CRISP1: variants seen among roughly 807,000 people sequenced by gnomAD.
CRISP1 encodes the protein cysteine-rich secretory protein 1.
Under a neutral mutation model 33.1 loss-of-function variants are expected in CRISP1, and 44 were observed. The observed-to-expected ratio is 1.33, with a 90% CI of 1.05 to 1.71. CRISP1 has a LOEUF of 1.71. Among genes scored for constraint, CRISP1 ranks in the 40% most tolerant of loss-of-function variants. CRISP1 has a pLI of 0.00. For synonymous variants in CRISP1, 103 were observed against 98.7 expected (o/e 1.04, Z -0.26); for missense variants, 390 against 301.2 (o/e 1.29, Z -2.18).
chr6:49,847,279 T>C (rs1361301220), intron 4 of CRISP1, among the ~76,000 whole-genome samples: 1 of 152,104 alleles, frequency 6.6e-6, no homozygotes, highest in Admixed American at 6.6e-5. Context: ...TGAGTGAAGG[T>C]GATATAGTTT....
chr6:49,866,367 G>C (rs1771798314), intron 1 of CRISP1, 62 bp downstream of exon 1: 1 of 151,932 alleles, frequency 6.6e-6, no homozygotes, highest in African/African-American at 2.4e-5. Flanking sequence ...AATGCTTTTG[G>C]GTAGTCACTT....
At chr6:49,851,286 T>A (rs897434104) in intron 3 of CRISP1, among the ~76,000 whole-genome samples, 12 of 152,090 alleles carry the variant, frequency 7.9e-5, no homozygotes, top group African/African-American at 2.9e-4. Flanking sequence ...TACAGGCCGG[T>A]CCAGGGTTCA....
chr6:49,837,587 C>T (rs191946379), intron 7 of CRISP1, among the ~76,000 whole-genome samples: 1 of 151,628 alleles, frequency 6.6e-6, no homozygotes, highest in Non-Finnish European at 1.5e-5. Context: ...AGAAGAGAAA[C>T]GAGAGAAAGG....
chr6:49,846,817 A>G (rs1330417441), intron 4 of CRISP1, 149 bp from the exon 5 acceptor site: 1 of 746,512 alleles, frequency 1.3e-6, no homozygotes, highest in Non-Finnish European at 2.1e-6. Flanking sequence ...ATCCCCACTG[A>G]AAATCTTTCT....
chr6:49,841,734 G>A (rs1160534236), intron 5 of CRISP1, among the ~76,000 whole-genome samples: 1 of 152,128 alleles, frequency 6.6e-6, no homozygotes, highest in African/African-American at 2.4e-5. Flanking sequence ...GTAGAGTACT[G>A]AGTTGGTTTT....
intron 5 of CRISP1, among the ~76,000 whole-genome samples, chr6:49,844,211 T>C (rs1276555213): frequency 2.0e-5 from 3 of 152,062 alleles, no homozygotes; most frequent in African/African-American, 7.2e-5. Flanking sequence ...ATGGATATGA[T>C]TTATGGATTT....
chr6:49,872,875 G>T (rs942050099), intron 1 of CRISP1, among the ~76,000 whole-genome samples: 6 of 152,084 alleles, frequency 3.9e-5, no homozygotes, highest in Admixed American at 6.6e-5. Flanking sequence ...GATTGGCTTG[G>T]CAATGCAGGC....
At chr6:49,854,470 C>T (rs780415206) in intron 2 of CRISP1, among the ~76,000 whole-genome samples, 6 of 152,234 alleles carry the variant, frequency 3.9e-5, no homozygotes, top group Non-Finnish European at 7.4e-5. Context: ...CAGGCTCAAG[C>T]GATTCTCCTG....
intron 5 of CRISP1, among the ~76,000 whole-genome samples, chr6:49,843,116 G>C (rs1290174732): frequency 6.6e-6 from 1 of 152,130 alleles, no homozygotes; most frequent in African/African-American, 2.4e-5. Flanking sequence ...TGTGTTAGTT[G>C]ACTTATATAG....
At chr6:49,859,723 A>T (rs1282136535) in intron 1 of CRISP1, among the ~76,000 whole-genome samples, 1 of 152,174 alleles carries the variant, frequency 6.6e-6, no homozygotes, top group Non-Finnish European at 1.5e-5. Flanking sequence ...GAAACAAAAA[A>T]TATGCAAAAC....
At chr6:49,874,201 T>A (rs1013039334) in intron 1 of CRISP1, among the ~76,000 whole-genome samples, 1 of 152,096 alleles carries the variant, frequency 6.6e-6, no homozygotes, top group Non-Finnish European at 1.5e-5. Flanking sequence ...CAATGATAGA[T>A]CTTCCTTCAG....
At position 49,841,003 on chromosome 6, in the gene CRISP1, G is replaced by T; in HGVS notation, c.436-8C>A. 1 of 1,606,574 alleles carries T rather than the reference G, an allele frequency of 6.2e-7. No individual in the cohort carries two copies. Among genetic ancestry groups the T allele is most frequent in the Non-Finnish European group, 8.5e-7 (1 of 1,173,720 alleles). ...AGATGTGGCCCAAACAATCTGCAAT[G>T]ATAAAGAGTTGTTTTATTACAGATT... is the stretch of plus-strand genomic sequence containing the variant. On this transcript the variant is annotated splice_region_variant and splice_polypyrimidine_tract_variant and intron_variant, in intron 5 of 7. Transcript: ENST00000335847.
In CRISP1 at chr6:49,846,588, ACT is replaced by A; in HGVS notation, c.365_366del (p.Glu122ValfsTer14). The A allele has an allele frequency of 6.2e-7, 1 of 1,613,524 alleles. No homozygotes were observed. ...WSSVIGVWYSESTSFKHGEWT... is the reference protein window; with the variant it reads ...WSSVIGVWYSXSTSFKHGEWT... ...CATTCTCCATGTTTGAAACTTGTAG[ACT>A]CACTGTACCAGACTCCAATTACACT... On this transcript the variant is annotated frameshift_variant, in exon 5 of 8. Transcript: ENST00000335847. LOFTEE classifies it high-confidence loss of function.
chr6:49,845,188 G>A (rs1268172987), intron 5 of CRISP1, among the ~76,000 whole-genome samples: 1 of 152,094 alleles, frequency 6.6e-6, no homozygotes, highest in Non-Finnish European at 1.5e-5. Context: ...CATACGACTT[G>A]GGCCCTGTTC....
At chr6:49,870,693 C>G (rs188983147), upstream of CRISP1, among the ~76,000 whole-genome samples, 9 of 152,276 alleles carry the variant, frequency 5.9e-5, no homozygotes, top group African/African-American at 1.4e-4. Flanking sequence ...AGTTGTTTAA[C>G]TCTGTATATA....
intron 1 of CRISP1, among the ~76,000 whole-genome samples, chr6:49,857,783 G>A (rs912572003): frequency 2.6e-5 from 4 of 152,182 alleles, no homozygotes; most frequent in Non-Finnish European, 4.4e-5. Flanking sequence ...TGAAGAGGAA[G>A]TCAAAAGAGT....
intron 7 of CRISP1, among the ~76,000 whole-genome samples, chr6:49,836,114 A>G (rs866019125): frequency 1.4e-4 from 21 of 152,308 alleles, no homozygotes; most frequent in South Asian, 2.1e-4. Context: ...ATTCTCTATC[A>G]CAACTAACCA....
intron 5 of CRISP1, among the ~76,000 whole-genome samples, chr6:49,844,708 C>A (rs946807999): frequency 1.3e-5 from 2 of 152,170 alleles, no homozygotes; most frequent in Non-Finnish European, 2.9e-5. Context: ...TCAAGCCTTA[C>A]TATCACATGA....
chr6:49,859,082 C>A (rs1405690519), intron 1 of CRISP1, among the ~76,000 whole-genome samples: 2 of 152,028 alleles, frequency 1.3e-5, no homozygotes, highest in African/African-American at 4.8e-5. Context: ...TGGACTTCTG[C>A]TTCCTAGCCA....
Sources: gnomAD v4.1 joint callset for allele counts (sites outside exome capture counted in the v4.1 genomes callset) on GRCh38, gnomAD v4.1.1 for gene constraint, MANE v1.5 for transcripts, NCBI Gene and HGNC (gene_info 2026-07-23, HGNC 2026-07-21) for gene names.